Variants in OPA1 observed in about 807,000 individuals in gnomAD.
OPA1 encodes the protein dynamin-like GTPase OPA1, mitochondrial.
In OPA1, 59 loss-of-function variants were observed where a neutral mutation model predicts 152.9. The ratio of observed to expected loss-of-function variants is 0.39; its 90% CI spans 0.31 to 0.48. OPA1 has a LOEUF of 0.48. Among genes scored for constraint, OPA1 ranks in the 20% least tolerant of loss-of-function variants. OPA1 has a pLI of 0.96. For synonymous variants in OPA1, 400 were observed against 389.9 expected (o/e 1.03, Z -0.31); for missense variants, 1,008 against 1,216.8 (o/e 0.83, Z 2.55).
rs572066163 is a variant in OPA1, at chr3:193,697,780, G to C, written c.*3180G>C. ...TCAAAACATTTTGTTATTTTCCTTG[G>C]TAAAATATATAAAAAAGGTTTTCTA... On this transcript the variant is annotated 3_prime_UTR_variant, in exon 31 of 31. Transcript: ENST00000361510. The C allele has an allele frequency of 6.6e-6, 1 of 151,996 alleles. No homozygotes were observed. Among genetic ancestry groups the C allele is most frequent in the Non-Finnish European group, 1.5e-5 (1 of 68,024 alleles). 9.4% of individuals were successfully genotyped at this position (151,996 alleles called of 1,614,324 possible). A position where few individuals can be genotyped will look rare whatever the true frequency, so the allele number is the denominator to read the frequency against.
chr3:193,659,435 G>T lies in OPA1; in HGVS notation c.2441-47G>T, dbSNP rs200767556. ...AAGACCATTATTAGTTATAATTTGT[G>T]TGTGTGTAAGTGATAAAATTCTTGA... On this transcript the variant is annotated intron_variant, in intron 24 of 30. Coordinates refer to ENST00000361510, the MANE Select transcript of OPA1 (RefSeq NM_130837.3). 3.2e-5 allele frequency: 44 copies of T among 1,381,876 alleles called. 1 individual carries two copies. Among genetic ancestry groups the T allele is most frequent in the Non-Finnish European group, 3.9e-5 (38 of 985,926 alleles). 85.6% of individuals were successfully genotyped at this position (1,381,876 alleles called of 1,614,324 possible).
chr3:193,615,086 T>G, intron 2 of OPA1, 45 bp downstream of exon 2: 1 of 1,427,986 alleles, frequency 7.0e-7, no homozygotes, highest in Non-Finnish European at 9.9e-7. Context: ...TATATCATGA[T>G]TAAGTTTCTA....
intron 4 of OPA1, among the ~76,000 whole-genome samples, chr3:193,617,548 A>C (rs1040448792): frequency 6.6e-6 from 1 of 152,234 alleles, no homozygotes; most frequent in South Asian, 2.1e-4. Flanking sequence ...GTTCTTGACA[A>C]GTAGATGAGA....
intron 29 of OPA1, among the ~76,000 whole-genome samples, chr3:193,676,611 T>C (rs1328074336): frequency 3.9e-5 from 6 of 152,206 alleles, no homozygotes; most frequent in Non-Finnish European, 4.4e-5. Context: ...TTCCAGGTTA[T>C]TGATGAGAAA....
rs1711731942 is a variant in OPA1, at chr3:193,648,981, A to G, written c.2012+110A>G. 3.8e-6 allele frequency: 3 copies of G among 797,788 alleles called. No individual in the cohort carries two copies. The Admixed American group carries it at 5.8e-5, about 15-fold the overall frequency. 49.4% of individuals were successfully genotyped at this position (797,788 alleles called of 1,614,324 possible). On this transcript the variant is annotated intron_variant, in intron 21 of 30. Transcript: ENST00000361510. ...GTGATTTATTGTTGCCTTGGCTCAT[A>G]GGCAAAAACGTAATAGTATATTTTT...
At chr3:193,606,267 A>G (rs375288389) in intron 1 of OPA1, among the ~76,000 whole-genome samples, 2 of 152,134 alleles carry the variant, frequency 1.3e-5, no homozygotes, top group East Asian at 3.9e-4. Context: ...GTGACTTAAA[A>G]AAATTTTTTT....
At chr3:193,651,751 G>A (rs1428909046) in intron 21 of OPA1, among the ~76,000 whole-genome samples, 1 of 152,080 alleles carries the variant, frequency 6.6e-6, no homozygotes, top group Non-Finnish European at 1.5e-5. Flanking sequence ...TGAACCACTT[G>A]TGTAAATACA....
At chr3:193,642,008 C>T (rs530141234) in intron 11 of OPA1, among the ~76,000 whole-genome samples, 12 of 152,176 alleles carry the variant, frequency 7.9e-5, no homozygotes, top group Non-Finnish European at 1.2e-4. Flanking sequence ...CCCAGCTACT[C>T]GGGAGGCTGA....
intron 10 of OPA1, among the ~76,000 whole-genome samples, chr3:193,637,720 A>C (rs1254632933): frequency 4.6e-5 from 7 of 152,182 alleles, no homozygotes; most frequent in Non-Finnish European, 8.8e-5. Flanking sequence ...AATTAGCACA[A>C]GTTTTTAAAA....
chr3:193,652,618 A>C (rs892403315), intron 21 of OPA1, among the ~76,000 whole-genome samples: 2 of 152,204 alleles, frequency 1.3e-5, no homozygotes, highest in Non-Finnish European at 2.9e-5. Context: ...TCATCTCAGC[A>C]GAATTTGAGG....
intron 25 of OPA1, among the ~76,000 whole-genome samples, chr3:193,660,211 C>T (rs1471518955): frequency 1.3e-5 from 2 of 152,278 alleles, no homozygotes; most frequent in African/African-American, 4.8e-5. Flanking sequence ...CTATATCTAC[C>T]ATTAAAGTCC....
intron 23 of OPA1, 24 bp downstream of exon 23, chr3:193,657,256 A>G (rs1280229025): frequency 6.2e-7 from 1 of 1,611,102 alleles, no homozygotes; most frequent in South Asian, 1.1e-5. Context: ...ATACTGGGGT[A>G]TCAGCCTCAT....
rs76253392 is a variant in OPA1 at position 193,637,318 on chromosome 3, A to C, written c.1035+37A>C. ...ATTGATAGTGAACTTGCCAATTAGC[A>C]AAAAAAGAAGCAGCTTAGCTTCCTA... On this transcript the variant is annotated intron_variant, in intron 10 of 30. Coordinates refer to ENST00000361510, the MANE Select transcript of OPA1 (RefSeq NM_130837.3). 6,750 of 1,313,934 alleles carry C rather than the reference A, an allele frequency of 5.1e-3. 263 individuals carry two copies. The African/African-American group carries it at 0.086, about 17-fold the overall frequency. The allele number at this position is 1,313,934 out of a possible 1,614,324, so 81.4% of individuals were successfully genotyped here. A position where few individuals can be genotyped will look rare whatever the true frequency, so the allele number is the denominator to read the frequency against.
chr3:193,635,500 G>A lies in OPA1; in HGVS notation c.926G>A (p.Gly309Asp). ...RKLVLQKDDKGIHHRKLKKSL... is the reference protein window; with the variant it reads ...RKLVLQKDDKDIHHRKLKKSL... ...TTAGTATTGCAGAAAGATGACAAAGGCATTCATCATAGAAAGCTTAAGGTA... is the reference window on the plus strand; with the variant it reads ...TTAGTATTGCAGAAAGATGACAAAGACATTCATCATAGAAAGCTTAAGGTA... The change falls in exon 9 of 31, where the codon GGC becomes GAC. Residue 309 changes from glycine to aspartate, a missense_variant. Around this residue, in one of 7 missense-constraint regions of OPA1, gnomAD observed 408 missense variants for 395.1 expected, o/e 1.03. Transcript: ENST00000361510. The A allele has an allele frequency of 6.2e-7, 1 of 1,602,758 alleles. No individual in the cohort carries two copies. The highest frequency in any genetic ancestry group is 8.5e-7 in the Non-Finnish European group (1 of 1,169,994).
At position 193,615,035 on chromosome 3, in the gene OPA1, C is replaced by T; in HGVS notation, c.345C>T (p.Ala115=). 1 of 1,612,042 alleles carries T rather than the reference C, an allele frequency of 6.2e-7. No individual in the cohort carries two copies. The highest frequency in any genetic ancestry group is 1.1e-5 in the South Asian group (1 of 91,046). The change falls in exon 2 of 31, where the codon GCC becomes GCT. Residue 115 remains alanine, a synonymous_variant. Coordinates refer to ENST00000361510, the MANE Select transcript of OPA1 (RefSeq NM_130837.3). ...LGSAVGGGYT[A]KKTFDQWKDM... ...CGGCTGTTGGGGGTGGCTACACAGC[C>T]AAAAAGGTGAACTTGACATTCCTCC...
At chr3:193,649,902 G>A (rs1398233946) in intron 21 of OPA1, among the ~76,000 whole-genome samples, 1 of 152,154 alleles carries the variant, frequency 6.6e-6, no homozygotes, top group East Asian at 1.9e-4. Flanking sequence ...ATGGCTTTGT[G>A]TCAGTCAGCT....
At position 193,659,010 on chromosome 3, in the gene OPA1, G is replaced by A. The variant is rs767098662; in HGVS notation, c.2440+15G>A. The A allele has an allele frequency of 3.1e-5, 48 of 1,544,994 alleles. No homozygotes were observed. Among genetic ancestry groups the A allele is most frequent in the South Asian group, 2.2e-5 (2 of 89,626 alleles). ...TCTCAAGGATAGTAAGTGGAGACAC[G>A]GCTTATTGAGTTCTGAGTTCACAGT... On this transcript the variant is annotated intron_variant, in intron 24 of 30. Coordinates refer to ENST00000361510, the MANE Select transcript of OPA1 (RefSeq NM_130837.3).
At chr3:193,693,952 A>C (rs1375297700) in intron 30 of OPA1, among the ~76,000 whole-genome samples, 1 of 152,148 alleles carries the variant, frequency 6.6e-6, no homozygotes, top group East Asian at 1.9e-4. Flanking sequence ...AATTGATGAA[A>C]GCCCCGGAAG....
chr3:193,656,354 T>A (rs755531829), intron 22 of OPA1, among the ~76,000 whole-genome samples: 8 of 152,176 alleles, frequency 5.3e-5, no homozygotes, highest in Non-Finnish European at 1.0e-4. Flanking sequence ...AGTCACTTTC[T>A]TTTTTAAAAT....
Sources: allele counts gnomAD v4.1 joint callset (sites outside exome capture counted in the v4.1 genomes callset), GRCh38; gene constraint gnomAD v4.1.1; regional missense constraint gnomAD v4.1.1; transcripts MANE v1.5; gene names NCBI Gene and HGNC (gene_info 2026-07-23, HGNC 2026-07-21).